The following RABGAP1L variants were observed in gnomAD, a reference collection of about 807,000 sequenced individuals.
RABGAP1L encodes the protein RAB GTPase activating protein 1 like.
Under a neutral mutation model 137.7 loss-of-function variants are expected in RABGAP1L, and 63 were observed. The ratio of observed to expected loss-of-function variants is 0.46; its 90% CI spans 0.37 to 0.56. The LOEUF (loss-of-function observed/expected upper bound fraction) is 0.56. Ranked by LOEUF, RABGAP1L falls within the 20% of genes least tolerant of loss-of-function variation. The pLI is 0.00. For synonymous variants in RABGAP1L, 431 were observed against 433.7 expected, an observed-to-expected ratio of 0.99 and a Z score of 0.08; for missense variants, 1,095 against 1,244.0, an observed-to-expected ratio of 0.88 and a Z score of 1.80.
chr1:174,616,525 C>G (rs770229652), intron 13 of RABGAP1L, among the ~76,000 whole-genome samples: 10 of 152,018 alleles, frequency 6.6e-5, no homozygotes, highest in Non-Finnish European at 1.2e-4. Context: ...CATGGTCGAC[C>G]TAGAGGTGGC....
chr1:174,668,058 A>G (rs1418996078), intron 14 of RABGAP1L, among the ~76,000 whole-genome samples: 6 of 152,196 alleles, frequency 3.9e-5, no homozygotes, highest in Non-Finnish European at 7.4e-5. Flanking sequence ...GTTATTATGA[A>G]AATTTTCAAA....
In RABGAP1L at chr1:174,502,601, CAT is replaced by C. The variant is rs1309099683; in HGVS notation, c.1710+108461_1710+108462del. Among the ~76,000 whole-genome samples the C allele has an allele frequency of 2.1e-3, 171 of 81,538 alleles. 2 individuals are homozygous for C. The highest frequency in any genetic ancestry group is 8.9e-3 in the African/African-American group (165 of 18,616). The allele number at this position is 81,538 out of a possible 152,430, so 53.5% of individuals were successfully genotyped here. On this transcript the variant is annotated intron_variant, in intron 13 of 25. Transcript: ENST00000681986. ...GTATATATATATATATATATATGTACATATATGTGTGTATATATATGTACATA... is the reference window on the plus strand; with the variant it reads ...GTATATATATATATATATATATGTACATATGTGTGTATATATATGTACATA...
At chr1:174,270,117 T>G (rs749141489) in intron 7 of RABGAP1L, among the ~76,000 whole-genome samples, 14 of 152,032 alleles carry the variant, frequency 9.2e-5, no homozygotes, top group Non-Finnish European at 1.6e-4. Context: ...TATTATACCT[T>G]TCCTGTTTGC....
At chr1:174,666,923 A>G (rs977719979) in intron 14 of RABGAP1L, among the ~76,000 whole-genome samples, 1 of 151,480 alleles carries the variant, frequency 6.6e-6, no homozygotes, top group Non-Finnish European at 1.5e-5. Context: ...AGAAACTCCT[A>G]CTGCCCTGTG....
intron 14 of RABGAP1L, among the ~76,000 whole-genome samples, chr1:174,678,688 G>T (rs1677828317): frequency 6.6e-6 from 1 of 152,202 alleles, no homozygotes. Flanking sequence ...CAAGCCTCTT[G>T]TTCTCTGACC....
intron 18 of RABGAP1L, among the ~76,000 whole-genome samples, chr1:174,760,739 A>G (rs186844720): frequency 1.2e-4 from 19 of 152,346 alleles, no homozygotes; most frequent in African/African-American, 4.6e-4. Context: ...TCTTTGAGAA[A>G]TTGCCAAACT....
intron 12 of RABGAP1L, among the ~76,000 whole-genome samples, chr1:174,380,481 A>G (rs1000794852): frequency 2.0e-5 from 3 of 151,430 alleles, no homozygotes; most frequent in Non-Finnish European, 3.0e-5. Context: ...TTATTGGTCT[A>G]TTCAGAGATT....
intron 13 of RABGAP1L, chr1:174,449,034 G>A (rs1276993151): frequency 6.2e-7 from 1 of 1,613,968 alleles, no homozygotes; most frequent in Non-Finnish European, 8.5e-7. Flanking sequence ...CTTGCAATAA[G>A]TAATAGTTTT....
intron 13 of RABGAP1L, among the ~76,000 whole-genome samples, chr1:174,539,896 T>C (rs892518954): frequency 1.3e-5 from 2 of 152,238 alleles, no homozygotes; most frequent in Admixed American, 1.3e-4. Context: ...TGAACTAGTT[T>C]ATAGTCCCAC....
intron 14 of RABGAP1L, among the ~76,000 whole-genome samples, chr1:174,640,123 A>G: frequency 6.6e-6 from 1 of 152,128 alleles, no homozygotes; most frequent in East Asian, 1.9e-4. Flanking sequence ...GTATATACAT[A>G]AAAATAATTT....
intron 18 of RABGAP1L, among the ~76,000 whole-genome samples, chr1:174,784,653 A>G (rs774688721): frequency 6.6e-6 from 1 of 152,212 alleles, no homozygotes; most frequent in Non-Finnish European, 1.5e-5. Context: ...CATGTCAGGA[A>G]TCGGAGTTCA....
chr1:174,371,414 A>G (rs1182767851), intron 12 of RABGAP1L, among the ~76,000 whole-genome samples: 2 of 152,036 alleles, frequency 1.3e-5, no homozygotes. Context: ...GTCTACTGTT[A>G]AAGGGTTATG....
intron 18 of RABGAP1L, among the ~76,000 whole-genome samples, chr1:174,792,224 A>G (rs909460944): frequency 6.6e-6 from 1 of 152,212 alleles, no homozygotes; most frequent in African/African-American, 2.4e-5. Context: ...CTAGGGTCCA[A>G]CAAGGTTTCA....
At chr1:174,952,435 C>T (rs1667868557) in intron 19 of RABGAP1L, among the ~76,000 whole-genome samples, 1 of 149,820 alleles carries the variant, frequency 6.7e-6, no homozygotes, top group Non-Finnish European at 1.5e-5. Context: ...CACCTGAGTC[C>T]AGGAATTTGG....
At chr1:174,620,909 G>C (rs1672392661) in intron 13 of RABGAP1L, among the ~76,000 whole-genome samples, 1 of 152,096 alleles carries the variant, frequency 6.6e-6, no homozygotes, top group Admixed American at 6.5e-5. Flanking sequence ...AAGAAGAAAA[G>C]AGAGAAGAAT....
intron 13 of RABGAP1L, among the ~76,000 whole-genome samples, chr1:174,405,296 T>A (rs1649129225): frequency 6.6e-6 from 1 of 152,212 alleles, no homozygotes; most frequent in Non-Finnish European, 1.5e-5. Context: ...TTTCTTTACA[T>A]GGTTTACTTT....
At chr1:174,470,397 A>G (rs1312093839) in intron 13 of RABGAP1L, among the ~76,000 whole-genome samples, 2 of 152,352 alleles carry the variant, frequency 1.3e-5, no homozygotes, top group East Asian at 3.9e-4. Context: ...TTAAATTTCC[A>G]GAAGTAATGA....
chr1:174,389,904 G>A (rs932414700), intron 12 of RABGAP1L, among the ~76,000 whole-genome samples: 1 of 152,030 alleles, frequency 6.6e-6, no homozygotes, highest in African/African-American at 2.4e-5. Context: ...TATCCGTCTT[G>A]TTTCTAGGGT....
intron 17 of RABGAP1L, among the ~76,000 whole-genome samples, chr1:174,716,914 T>A (rs1681067912): frequency 6.6e-6 from 1 of 152,204 alleles, no homozygotes; most frequent in Non-Finnish European, 1.5e-5. Flanking sequence ...ACTTACTTCG[T>A]GTAGTTGTTC....
Sources: gnomAD v4.1 joint callset for allele counts (sites outside exome capture counted in the v4.1 genomes callset) on GRCh38, gnomAD v4.1.1 for gene constraint, MANE v1.5 for transcripts, NCBI Gene and HGNC (gene_info 2026-07-23, HGNC 2026-07-21) for gene names.